NWD2: variants seen among roughly 807,000 people sequenced by gnomAD.
NWD2 encodes the protein NACHT and WD repeat domain-containing protein 2.
Under a neutral mutation model 132.7 loss-of-function variants are expected in NWD2, and 37 were observed. The observed-to-expected ratio is 0.28, with a 90% CI of 0.21 to 0.37. The LOEUF (loss-of-function observed/expected upper bound fraction) is 0.37, where lower values mean the gene tolerates loss of function less well. NWD2 is among the 10% of genes least tolerant of loss of function. The probability of loss-of-function intolerance (pLI) is 1.00; values close to 1 mark genes in which losing one functional copy is unlikely to be tolerated. For missense variants in NWD2, 1,592 were observed against 2,122.4 expected (o/e 0.75, Z 4.91); for synonymous variants, 705 against 803.0 (o/e 0.88, Z 2.06).
rs114235966 is a variant in NWD2 at position 37,290,576 on chromosome 4, A to G, written c.152-35360A>G. ...GAAACTGCCTTTAAGCAAATTATAA[A>G]GGACAAGTAGGAGCACGCATTGGTT... On this transcript the variant is annotated intron_variant, in intron 1 of 6. Transcript: ENST00000309447. Among the ~76,000 whole-genome samples, 1,082 of 152,342 alleles carry G rather than the reference A, an allele frequency of 7.1e-3. 4 individuals carry two copies. The highest frequency in any genetic ancestry group is 0.012 in the Non-Finnish European group (819 of 68,030).
chr4:37,334,117 G>A (rs73130336), intron 2 of NWD2, among the ~76,000 whole-genome samples: 17,265 of 152,126 alleles, frequency 0.11, 1,076 homozygotes, highest in East Asian at 0.18. Context: ...AGAGGAGATA[G>A]AGTGGGCTAG....
At chr4:37,312,078 G>A (rs1327556994) in intron 1 of NWD2, among the ~76,000 whole-genome samples, 1 of 151,758 alleles carries the variant, frequency 6.6e-6, no homozygotes, top group Non-Finnish European at 1.5e-5. Context: ...CTCCAGCTTT[G>A]TTCTTTTGGC....
intron 2 of NWD2, among the ~76,000 whole-genome samples, chr4:37,339,272 T>G (rs984558110): frequency 6.6e-6 from 1 of 152,242 alleles, no homozygotes; most frequent in African/African-American, 2.4e-5. Context: ...ATGTCATGAC[T>G]GACTTTCATT....
At chr4:37,296,612 T>G (rs1718500534) in intron 1 of NWD2, among the ~76,000 whole-genome samples, 2 of 152,100 alleles carry the variant, frequency 1.3e-5, no homozygotes, top group South Asian at 4.1e-4. Context: ...AGATCGTATG[T>G]TCCCACTTAT....
chr4:37,444,295 G>T lies in NWD2; in HGVS notation c.2307G>T (p.Gly769=), dbSNP rs1325472836. ...ATTATTTTCTGGGGGTTTGGTCAGG[G>T]GGCAGGAGGAAAGCCTTCTGCCTTG... is the stretch of plus-strand genomic sequence containing the variant. ...LADYFLGVWS[G]GRRKAFCLED... The change falls in exon 7 of 7, where the codon GGG becomes GGT. Residue 769 remains glycine, a synonymous_variant. Transcript: ENST00000309447. This position sits in a 1 kb window ranked among gnomAD's most constrained non-coding sequence, Gnocchi z 4.8. The T allele has an allele frequency of 1.9e-6, 3 of 1,551,566 alleles. No homozygotes were observed.
At chr4:37,413,056 C>T (rs1364819916) in intron 3 of NWD2, among the ~76,000 whole-genome samples, 2 of 152,164 alleles carry the variant, frequency 1.3e-5, no homozygotes, top group East Asian at 1.9e-4. Context: ...AGGACACAGG[C>T]ATGGGCAAAC....
At chr4:37,303,790 A>G (rs1560389696) in intron 1 of NWD2, among the ~76,000 whole-genome samples, 1 of 152,162 alleles carries the variant, frequency 6.6e-6, no homozygotes, top group Non-Finnish European at 1.5e-5. Flanking sequence ...GTATCCTACA[A>G]TGTTACCAAA....
At chr4:37,297,004 G>T (rs998622834) in intron 1 of NWD2, among the ~76,000 whole-genome samples, 2 of 152,058 alleles carry the variant, frequency 1.3e-5, no homozygotes, top group African/African-American at 4.8e-5. Context: ...GGGATTCACA[G>T]AAAAGTTTCC....
intron 2 of NWD2, among the ~76,000 whole-genome samples, chr4:37,355,063 G>C (rs1037723485): frequency 4.6e-5 from 7 of 152,104 alleles, no homozygotes; most frequent in South Asian, 4.1e-4. Flanking sequence ...TATCTCCTTT[G>C]TCCAACATGA....
intron 3 of NWD2, among the ~76,000 whole-genome samples, chr4:37,394,647 T>C (rs1411698981): frequency 2.6e-5 from 4 of 152,116 alleles, no homozygotes; most frequent in Non-Finnish European, 4.4e-5. Flanking sequence ...ACCTGAAAGC[T>C]AGTCTAACCC....
chr4:37,293,727 A>G (rs753999187), intron 1 of NWD2, among the ~76,000 whole-genome samples: 9 of 152,188 alleles, frequency 5.9e-5, no homozygotes, highest in Non-Finnish European at 1.0e-4. Flanking sequence ...AGTTATACGA[A>G]GAAGGAATAT....
intron 1 of NWD2, among the ~76,000 whole-genome samples, chr4:37,257,876 T>C (rs1353151317): frequency 6.6e-6 from 1 of 152,196 alleles, no homozygotes; most frequent in African/African-American, 2.4e-5. Flanking sequence ...AAAGGACAAC[T>C]CTTTTGAAAC....
At chr4:37,378,820 A>C (rs934786931) in intron 3 of NWD2, among the ~76,000 whole-genome samples, 4 of 152,220 alleles carry the variant, frequency 2.6e-5, no homozygotes, top group African/African-American at 9.6e-5. Context: ...GAGAAGTTTA[A>C]AGAATTAGGC....
intron 1 of NWD2, among the ~76,000 whole-genome samples, chr4:37,307,021 CAAA>C (rs749143872): frequency 1.8e-4 from 19 of 104,212 alleles, no homozygotes; most frequent in Admixed American, 2.1e-4. Context: ...GAGACTCCAT[CAAA>C]AAAAAAAAAA....
At chr4:37,405,041 C>A (rs931680517) in intron 3 of NWD2, among the ~76,000 whole-genome samples, 2 of 152,134 alleles carry the variant, frequency 1.3e-5, no homozygotes, top group Non-Finnish European at 2.9e-5. Flanking sequence ...CCATATCAGG[C>A]AATAATCTTG....
intron 3 of NWD2, among the ~76,000 whole-genome samples, chr4:37,379,722 A>G (rs528560353): frequency 1.3e-5 from 2 of 152,252 alleles, no homozygotes; most frequent in South Asian, 4.1e-4. Context: ...TTTGCCAAGG[A>G]ACACTTTCAT....
chr4:37,286,917 C>T (rs1255429655), intron 1 of NWD2, among the ~76,000 whole-genome samples: 1 of 152,092 alleles, frequency 6.6e-6, no homozygotes, highest in Non-Finnish European at 1.5e-5. Flanking sequence ...CAGAGGTTCC[C>T]ATCTAAAAGA....
At chr4:37,383,756 G>T (rs913855185) in intron 3 of NWD2, among the ~76,000 whole-genome samples, 2 of 152,124 alleles carry the variant, frequency 1.3e-5, no homozygotes, top group Admixed American at 1.3e-4. Flanking sequence ...GTGCCCCATG[G>T]CTCTTACTTT....
At chr4:37,281,891 C>T (rs754319807) in intron 1 of NWD2, among the ~76,000 whole-genome samples, 5 of 152,120 alleles carry the variant, frequency 3.3e-5, no homozygotes, top group African/African-American at 4.8e-5. Flanking sequence ...AATACACAAA[C>T]AATAACACTC....
Sources: gnomAD v4.1 joint callset for allele counts (sites outside exome capture counted in the v4.1 genomes callset) on GRCh38, gnomAD v4.1.1 for gene constraint, Gnocchi (gnomAD v3.1) non-coding constraint, MANE v1.5 for transcripts, NCBI Gene and HGNC (gene_info 2026-07-23, HGNC 2026-07-21) for gene names.